The following ABTB2 variants were observed in gnomAD, a reference collection of about 807,000 sequenced individuals.
ABTB2 encodes ankyrin repeat and BTB/POZ domain-containing protein 2.
Under a neutral mutation model 104.1 loss-of-function variants are expected in ABTB2, and 56 were observed. The observed-to-expected ratio is 0.54, with a 90% CI of 0.43 to 0.67. The LOEUF is 0.67. Among genes scored for constraint, ABTB2 ranks in the 30% least tolerant of loss-of-function variants. ABTB2 has a pLI of 0.00. For synonymous variants in ABTB2, 606 were observed against 608.2 expected (o/e 1.00, Z 0.05); for missense variants, 1,279 against 1,407.7 (o/e 0.91, Z 1.46).
rs58009507 is a variant in ABTB2 at position 34,176,279 on chromosome 11, CAAA to C, written c.1245-2975_1245-2973del. On this transcript the variant is annotated intron_variant, in intron 3 of 16. Transcript: ENST00000435224. The stretch of plus-strand genomic sequence containing the variant: ...AGGGTGACAGAGTGAGACTCCGTCT[CAAA>C]AAAAAAAAAAAAAAAAAAAAGAGAA... Among the ~76,000 whole-genome samples, 119 of 74,824 alleles carry C rather than the reference CAAA, an allele frequency of 1.6e-3. 1 individual carries two copies. Among genetic ancestry groups the C allele is most frequent in the African/African-American group, 6.2e-3 (104 of 16,698 alleles). 49.1% of individuals were successfully genotyped at this position (74,824 alleles called of 152,430 possible).
rs114274487 is a variant in ABTB2, at chr11:34,304,950, T to C, written c.883+51751A>G. 4.0e-3 allele frequency among the ~76,000 whole-genome samples: 605 copies of C among 152,330 alleles called. 3 individuals are homozygous for C. Among genetic ancestry groups the C allele is most frequent in the African/African-American group, 0.013 (528 of 41,572 alleles). On this transcript the variant is annotated intron_variant, in intron 1 of 16. Transcript: ENST00000435224. ...CTCAGTTCCCAGGTGCCTGTCAGTG[T>C]AATTCATGGACCACTCAAAGTGTTT... is the stretch of plus-strand genomic sequence containing the variant.
chr11:34,238,755 T>C (rs1280038803), intron 1 of ABTB2, among the ~76,000 whole-genome samples: 1 of 152,170 alleles, frequency 6.6e-6, no homozygotes, highest in African/African-American at 2.4e-5. Flanking sequence ...TTAATCATCA[T>C]TCTTTTTTTT....
At chr11:34,341,729 C>G (rs763378278) in intron 1 of ABTB2, among the ~76,000 whole-genome samples, 1 of 152,142 alleles carries the variant, frequency 6.6e-6, no homozygotes, top group Non-Finnish European at 1.5e-5. Context: ...CTGGGCACCA[C>G]AAGATGGAAG....
chr11:34,351,070 G>A (rs184388408), intron 1 of ABTB2, among the ~76,000 whole-genome samples: 6 of 152,274 alleles, frequency 3.9e-5, no homozygotes, highest in Non-Finnish European at 8.8e-5. Context: ...CTGACCTGTC[G>A]GACAAAGGAT....
chr11:34,301,182 T>C (rs1854701159), intron 1 of ABTB2, among the ~76,000 whole-genome samples: 1 of 152,200 alleles, frequency 6.6e-6, no homozygotes, highest in Non-Finnish European at 1.5e-5. Context: ...AGCATCTTGG[T>C]CCACCTGGGT....
chr11:34,151,121 G>A lies in ABTB2; in HGVS notation c.*1266C>T, dbSNP rs190319932. The A allele has an allele frequency of 2.0e-5, 3 of 152,762 alleles. No individual in the cohort carries two copies. The East Asian group carries it at 5.8e-4, about 29-fold the overall frequency. The allele number at this position is 152,762 out of a possible 1,614,324, so 9.5% of individuals were successfully genotyped here. A position where few individuals can be genotyped will look rare whatever the true frequency, so the allele number is the denominator to read the frequency against. ...CCTATTTCTTTGTACATCCAGCCAA[G>A]CAGCTAGTCAAAATATTTTCCAGAA... On this transcript the variant is annotated 3_prime_UTR_variant, in exon 17 of 17. Coordinates refer to ENST00000435224, the MANE Select transcript of ABTB2 (RefSeq NM_145804.3).
In ABTB2 at chr11:34,152,351, C is replaced by T; in HGVS notation, c.*36G>A. ...CCGACATGGTGGGCCCTGGCACCTC[C>T]ACAGGCCCTGGCCTCGGCAGCCTCC... On this transcript the variant is annotated 3_prime_UTR_variant, in exon 17 of 17. Transcript: ENST00000435224. The T allele has an allele frequency of 6.5e-7, 1 of 1,537,770 alleles. No individual in the cohort carries two copies. Among genetic ancestry groups the T allele is most frequent in the Non-Finnish European group, 8.8e-7 (1 of 1,140,890 alleles).
chr11:34,269,725 T>C (rs1008000378), intron 1 of ABTB2, among the ~76,000 whole-genome samples: 2 of 152,220 alleles, frequency 1.3e-5, no homozygotes, highest in African/African-American at 2.4e-5. Flanking sequence ...TTTCAAAATA[T>C]AAAAACCATT....
chr11:34,197,177 AT>A (rs1853268389), intron 3 of ABTB2, 147 bp downstream of exon 3: 3 of 884,516 alleles, frequency 3.4e-6, no homozygotes, highest in Non-Finnish European at 5.5e-6. Flanking sequence ...ATCCATCGGA[AT>A]TCCTGGGCCA....
chr11:34,167,256 C>T lies in ABTB2; in HGVS notation c.1755+3G>A, dbSNP rs1220504266. On this transcript the variant is annotated splice_donor_region_variant and intron_variant, in intron 7 of 16. Coordinates refer to ENST00000435224, the MANE Select transcript of ABTB2 (RefSeq NM_145804.3). ...GCATGGTGTTCACCTGGCAGGAGCT[C>T]ACCTGGACCACAGAGATGTGTCCAT... 2.5e-6 allele frequency: 4 copies of T among 1,606,224 alleles called. No individual in the cohort carries two copies. The African/African-American group carries it at 4.0e-5, about 16-fold the overall frequency.
intron 1 of ABTB2, among the ~76,000 whole-genome samples, chr11:34,301,514 T>C (rs1854705812): frequency 6.6e-6 from 1 of 152,202 alleles, no homozygotes; most frequent in Non-Finnish European, 1.5e-5. Context: ...CAACAAAGCA[T>C]GAAGGCCTAG....
intron 1 of ABTB2, among the ~76,000 whole-genome samples, chr11:34,326,621 C>A (rs368731637): frequency 2.8e-5 from 4 of 144,244 alleles, no homozygotes; most frequent in Non-Finnish European, 4.5e-5. Context: ...CAGAGGGAGA[C>A]CCTGTCTCAA....
chr11:34,286,228 C>A (rs1270115444), intron 1 of ABTB2, among the ~76,000 whole-genome samples: 3 of 151,746 alleles, frequency 2.0e-5, no homozygotes, highest in African/African-American at 7.3e-5. Flanking sequence ...GAGGCAGAGG[C>A]AGGAGGATCG....
Position 34,197,465 on chromosome 11 carries a change from G to A in ABTB2, c.1104C>T (p.Arg368=), listed in dbSNP as rs1225874273. The A allele has an allele frequency of 6.3e-7, 1 of 1,590,702 alleles. No individual in the cohort carries two copies. The highest frequency in any genetic ancestry group is 8.6e-7 in the Non-Finnish European group (1 of 1,168,496). ...HPLCPGASPA[R]QARQPPQPIT... is the part of the protein sequence containing the mutation. ...TGGGCTGTGGCGGCTGGCGGGCCTG[G>A]CGGGCAGGGCTGGCACCCGGGCACA... The change falls in exon 3 of 17, where the codon CGC becomes CGT. Residue 368 remains arginine (R), a synonymous_variant. Transcript: ENST00000435224.
Position 34,356,830 on chromosome 11 carries a change from G to A in ABTB2, c.754C>T (p.Pro252Ser). ...CCGCCTCCGGCCCCTCCGCCATCAGGGCTGTGGCTGGCCATCACCCTGGCC... is the reference window on the plus strand; with the variant it reads ...CCGCCTCCGGCCCCTCCGCCATCAGAGCTGTGGCTGGCCATCACCCTGGCC... ...IRARVMASHS[P>S]DGGGAGGGEV... Residue 252 changes from proline (P) to serine (S), a missense_variant, in exon 1 of 17, where the codon CCT becomes TCT. Transcript: ENST00000435224. The surrounding 1 kb of genome is among the most constrained non-coding windows in gnomAD (Gnocchi z 4.6). 1.2e-6 allele frequency: 2 copies of A among 1,606,146 alleles called. No homozygotes were observed. The highest frequency in any genetic ancestry group is 1.7e-6 in the Non-Finnish European group (2 of 1,176,464).
Position 34,292,039 on chromosome 11 carries a change from C to T in ABTB2, c.883+64662G>A, listed in dbSNP as rs1026987772. ...CCATATATACTAATTTGCCAAGTTG[C>T]GACCCTAGCCCATATATTTTTGAAA... On this transcript the variant is annotated intron_variant, in intron 1 of 16. Transcript: ENST00000435224. Among the ~76,000 whole-genome samples the T allele has an allele frequency of 3.3e-5, 5 of 152,042 alleles. No homozygotes were observed. In the South Asian group the frequency reaches 6.2e-4, roughly 19 times the overall value.
chr11:34,296,408 A>G (rs1854623683), intron 1 of ABTB2, among the ~76,000 whole-genome samples: 2 of 152,314 alleles, frequency 1.3e-5, no homozygotes, highest in South Asian at 2.1e-4. Flanking sequence ...AGCTGGAAAG[A>G]TGGGAATGGT....
At chr11:34,244,276 C>T (rs962450481) in intron 1 of ABTB2, among the ~76,000 whole-genome samples, 1 of 151,990 alleles carries the variant, frequency 6.6e-6, no homozygotes, top group Non-Finnish European at 1.5e-5. Context: ...GATAAGAAGG[C>T]AATCTATCAG....
At chr11:34,269,028 C>T (rs1054238201) in intron 1 of ABTB2, among the ~76,000 whole-genome samples, 1 of 152,184 alleles carries the variant, frequency 6.6e-6, no homozygotes, top group Admixed American at 6.5e-5. Context: ...CGCTGATGCC[C>T]CCCACAGCCT....
Sources: allele counts gnomAD v4.1 joint callset (sites outside exome capture counted in the v4.1 genomes callset), GRCh38; gene constraint gnomAD v4.1.1; non-coding constraint Gnocchi (gnomAD v3.1); transcripts MANE v1.5; gene names NCBI Gene and HGNC (gene_info 2026-07-23, HGNC 2026-07-21).